GALNTL6: variants seen among roughly 807,000 people sequenced by gnomAD.
The protein encoded by GALNTL6 is polypeptide N-acetylgalactosaminyltransferase-like 6.
GALNTL6 carries 46 observed loss-of-function variants against 73.7 expected under a neutral mutation model. The observed-to-expected ratio is 0.62, with a 90% confidence interval of 0.49 to 0.80. The LOEUF is 0.80. Ranked by LOEUF, GALNTL6 falls within the 30% of genes least tolerant of loss-of-function variation. The probability of loss-of-function intolerance (pLI) is 0.00; values close to 1 mark genes in which losing one functional copy is unlikely to be tolerated. For synonymous variants in GALNTL6, 259 were observed against 263.7 expected (o/e 0.98, Z 0.17); for missense variants, 604 against 755.0 (o/e 0.80, Z 2.34).
intron 10 of GALNTL6, among the ~76,000 whole-genome samples, chr4:172,954,329 C>A (rs888070248): frequency 2.6e-5 from 4 of 152,230 alleles, no homozygotes; most frequent in African/African-American, 9.6e-5. Context: ...TCAGAACCAT[C>A]TTAAGCCCAA....
intron 3 of GALNTL6, among the ~76,000 whole-genome samples, chr4:172,292,814 A>G (rs1254419385): frequency 1.3e-5 from 2 of 152,180 alleles, no homozygotes; most frequent in Non-Finnish European, 2.9e-5. Context: ...GCCTTTCTAC[A>G]TCCCAGGAGG....
Position 172,798,572 on chromosome 4 carries a change from C to G in GALNTL6, c.554-10789C>G, listed in dbSNP as rs569682222. On this transcript the variant is annotated intron_variant, in intron 5 of 12. Coordinates refer to ENST00000506823, the MANE Select transcript of GALNTL6 (RefSeq NM_001034845.3). Reference sequence around the variant, plus strand: ...ATGGAACTATGAGCCAATTAAACCTCTTTTCTTTATAAATTTCCCAGTCTC... The same window carrying G: ...ATGGAACTATGAGCCAATTAAACCTGTTTTCTTTATAAATTTCCCAGTCTC... Among the ~76,000 whole-genome samples the G allele has an allele frequency of 2.0e-5, 3 of 152,276 alleles. No individual in the cohort carries two copies. In the East Asian group the frequency reaches 5.8e-4, roughly 29 times the overall value.
chr4:172,177,785 A>ATATATATACACACACATATATG (rs1735072378), intron 2 of GALNTL6, among the ~76,000 whole-genome samples: 7 of 64,068 alleles, frequency 1.1e-4, no homozygotes, highest in South Asian at 7.1e-4. Flanking sequence ...ATATATACAC[A>ATATATATACACACACATATATG]TGTGTATATA....
intron 5 of GALNTL6, among the ~76,000 whole-genome samples, chr4:172,713,088 G>A (rs987344860): frequency 6.6e-6 from 1 of 152,078 alleles, no homozygotes; most frequent in Non-Finnish European, 1.5e-5. Flanking sequence ...AAAACTTGTT[G>A]TTATGACATA....
chr4:172,790,412 C>T (rs541612349), intron 5 of GALNTL6, among the ~76,000 whole-genome samples: 3 of 152,228 alleles, frequency 2.0e-5, no homozygotes, highest in Non-Finnish European at 4.4e-5. Flanking sequence ...TCTCTCTCTG[C>T]CCATGCACAC....
chr4:172,079,787 T>C (rs1731821928), intron 2 of GALNTL6, among the ~76,000 whole-genome samples: 1 of 152,118 alleles, frequency 6.6e-6, no homozygotes, highest in Non-Finnish European at 1.5e-5. Context: ...TTGTGATAAC[T>C]TTTAGTATAA....
At chr4:172,552,153 C>G (rs1735977484) in intron 5 of GALNTL6, among the ~76,000 whole-genome samples, 1 of 152,006 alleles carries the variant, frequency 6.6e-6, no homozygotes. Flanking sequence ...AATAATCTAG[C>G]CCTTGGGAAC....
At chr4:172,996,692 A>G (rs976074304) in intron 10 of GALNTL6, among the ~76,000 whole-genome samples, 3 of 152,204 alleles carry the variant, frequency 2.0e-5, no homozygotes, top group Non-Finnish European at 4.4e-5. Flanking sequence ...CAAAGATGAT[A>G]TGAGAGGGCA....
chr4:172,554,887 T>C (rs1453851717), intron 5 of GALNTL6, among the ~76,000 whole-genome samples: 1 of 152,168 alleles, frequency 6.6e-6, no homozygotes, highest in African/African-American at 2.4e-5. Context: ...ATAATTTCTT[T>C]TGGTGCTTAT....
At chr4:172,620,518 A>G (rs1738915907) in intron 5 of GALNTL6, among the ~76,000 whole-genome samples, 1 of 152,216 alleles carries the variant, frequency 6.6e-6, no homozygotes, top group Non-Finnish European at 1.5e-5. Flanking sequence ...TCTAACACAA[A>G]GCACAAATAC....
In GALNTL6 at chr4:172,262,045, T is replaced by G. The variant is rs111733827; in HGVS notation, c.247+32281T>G. ...AATTTTGTTTTTAATGGCTTGTTTG[T>G]GGCTTATCATATGGTCAATCTTGGA... On this transcript the variant is annotated intron_variant, in intron 3 of 12. Transcript: ENST00000506823. 6.5e-3 allele frequency among the ~76,000 whole-genome samples: 981 copies of G among 151,484 alleles called. 11 individuals are homozygous for G. The highest frequency in any genetic ancestry group is 0.023 in the African/African-American group (941 of 41,474).
At chr4:172,488,799 G>A (rs549523113) in intron 5 of GALNTL6, among the ~76,000 whole-genome samples, 51 of 143,372 alleles carry the variant, frequency 3.6e-4, no homozygotes, top group Admixed American at 1.6e-3. Flanking sequence ...TAAGCACTCC[G>A]TAGCTGAGAT....
intron 7 of GALNTL6, among the ~76,000 whole-genome samples, chr4:172,826,100 C>T (rs886802863): frequency 3.3e-5 from 5 of 152,142 alleles, no homozygotes; most frequent in Non-Finnish European, 7.4e-5. Context: ...CTGCTTCCAC[C>T]GTGAGCAGCA....
intron 7 of GALNTL6, among the ~76,000 whole-genome samples, chr4:172,840,982 G>T (rs1743175527): frequency 6.6e-6 from 1 of 152,078 alleles, no homozygotes; most frequent in Non-Finnish European, 1.5e-5. Context: ...AGTCCTTCAG[G>T]TGTGCATGAA....
chr4:172,619,105 AAG>A (rs1279914735), intron 5 of GALNTL6, among the ~76,000 whole-genome samples: 4 of 152,050 alleles, frequency 2.6e-5, no homozygotes, highest in Non-Finnish European at 4.4e-5. Flanking sequence ...AGCCTGGGAG[AAG>A]AGTCTTTTTT....
chr4:172,180,972 G>T (rs983866584), intron 2 of GALNTL6, among the ~76,000 whole-genome samples: 6 of 152,154 alleles, frequency 3.9e-5, no homozygotes, highest in African/African-American at 1.2e-4. Context: ...GAAATTTAAA[G>T]TAGTTTTTTT....
Position 172,478,639 on chromosome 4 carries a change from C to T in GALNTL6, c.553+129950C>T, listed in dbSNP as rs374029819. ...ACTGAGACCTTGAAAGAAAATGCAA[C>T]AAAAACAAAAATGAATAAATGAGAT... is the stretch of plus-strand genomic sequence containing the variant. On this transcript the variant is annotated intron_variant, in intron 5 of 12. Coordinates refer to ENST00000506823, the MANE Select transcript of GALNTL6 (RefSeq NM_001034845.3). Among the ~76,000 whole-genome samples the T allele has an allele frequency of 5.7e-4, 86 of 152,030 alleles. 1 individual carries two copies. The South Asian group carries it at 0.017, about 31-fold the overall frequency.
chr4:172,251,770 G>C (rs1475768566), intron 3 of GALNTL6, among the ~76,000 whole-genome samples: 1 of 152,114 alleles, frequency 6.6e-6, no homozygotes, highest in Non-Finnish European at 1.5e-5. Flanking sequence ...AACAGCCAGA[G>C]AGAGGAATAC....
intron 2 of GALNTL6, among the ~76,000 whole-genome samples, chr4:171,947,103 T>C (rs1458217281): frequency 2.6e-5 from 4 of 152,118 alleles, no homozygotes; most frequent in Non-Finnish European, 5.9e-5. Flanking sequence ...CTTTCTTACA[T>C]ATAAGTACAA....
Sources: gnomAD v4.1 joint callset for allele counts (sites outside exome capture counted in the v4.1 genomes callset) on GRCh38, gnomAD v4.1.1 for gene constraint, MANE v1.5 for transcripts, NCBI Gene and HGNC (gene_info 2026-07-23, HGNC 2026-07-21) for gene names.